Variants in PALS1 observed in about 807,000 individuals in gnomAD.
The protein encoded by PALS1 is protein associated with LIN7 1, MAGUK p55 family member.
PALS1 carries 31 observed loss-of-function variants against 78.9 expected under a neutral mutation model. That is an observed-to-expected ratio of 0.39 (90% CI 0.30 to 0.53). The LOEUF is 0.53. Ranked by LOEUF, PALS1 falls within the 20% of genes least tolerant of loss-of-function variation. PALS1 has a pLI of 0.67. For synonymous variants in PALS1, 276 were observed against 270.9 expected (o/e 1.02, Z -0.18); for missense variants, 704 against 826.5 (o/e 0.85, Z 1.82).
At chr14:67,330,099 CAGAA>C (rs770216386) in intron 14 of PALS1, among the ~76,000 whole-genome samples, 165 of 149,454 alleles carry the variant, frequency 1.1e-3, no homozygotes, top group Non-Finnish European at 1.8e-3. Flanking sequence ...TGCTGTCTGT[CAGAA>C]AGAGGAATAA....
In PALS1 at chr14:67,247,328, G is replaced by A. The variant is rs956320161; in HGVS notation, c.-237+5795G>A. Among the ~76,000 whole-genome samples the A allele has an allele frequency of 2.0e-5, 3 of 152,222 alleles. No homozygotes were observed. The South Asian group carries it at 6.2e-4, about 32-fold the overall frequency. Reference sequence around the variant, plus strand: ...AATCAGATTCCAGTTGATCACTGATGGTATATAGAAATTAATTTTTGTATA... The same window carrying A: ...AATCAGATTCCAGTTGATCACTGATAGTATATAGAAATTAATTTTTGTATA... On this transcript the variant is annotated intron_variant, in intron 1 of 14. Coordinates refer to ENST00000261681, the MANE Select transcript of PALS1 (RefSeq NM_022474.4).
intron 2 of PALS1, among the ~76,000 whole-genome samples, chr14:67,278,484 T>G (rs1227014126): frequency 6.6e-6 from 1 of 152,180 alleles, no homozygotes; most frequent in Non-Finnish European, 1.5e-5. Context: ...TCAAAAACTC[T>G]TAAAGATGAA....
chr14:67,270,106 C>T (rs1356707809), intron 2 of PALS1: 2 of 152,178 alleles, frequency 1.3e-5, no homozygotes, highest in East Asian at 1.9e-4. Flanking sequence ...TGATTCTCAG[C>T]TCTTAAACAA....
intron 3 of PALS1, among the ~76,000 whole-genome samples, chr14:67,287,812 A>G (rs1417951385): frequency 4.6e-5 from 7 of 152,246 alleles, no homozygotes; most frequent in Non-Finnish European, 8.8e-5. Flanking sequence ...GCAAAATAAT[A>G]CCAGTAGTTA....
chr14:67,316,239 C>T (rs1415162962), intron 9 of PALS1, among the ~76,000 whole-genome samples: 1 of 152,094 alleles, frequency 6.6e-6, no homozygotes, highest in African/African-American at 2.4e-5. Context: ...ACCTTGAAAG[C>T]CTCCTATATT....
At chr14:67,311,873 T>C (rs918626099) in intron 8 of PALS1, 1 of 152,466 alleles carries the variant, frequency 6.6e-6, no homozygotes, top group African/African-American at 2.4e-5. Context: ...TCGTTGATAG[T>C]GTGCTTGTTT....
intron 1 of PALS1, among the ~76,000 whole-genome samples, chr14:67,257,598 TAAAA>T (rs937316883): frequency 1.4e-5 from 2 of 145,592 alleles, no homozygotes; most frequent in Admixed American, 6.9e-5. Context: ...AACAGATAAC[TAAAA>T]AAAAAAGAAA....
chr14:67,302,594 A>G, intron 7 of PALS1, 23 bp downstream of exon 7: 1 of 1,434,200 alleles, frequency 7.0e-7, no homozygotes, highest in Non-Finnish European at 9.2e-7. Context: ...AGCTAGAAGA[A>G]TAATTGATAG....
At chr14:67,241,942 A>G (rs989411923) in intron 1 of PALS1, 3 of 152,164 alleles carry the variant, frequency 2.0e-5, no homozygotes, top group Admixed American at 6.5e-5. Flanking sequence ...TTTCCTTTAG[A>G]AGTCAGAATG....
chr14:67,332,928 A>C lies in PALS1; in HGVS notation c.2000A>C (p.Gln667Pro). 6.2e-7 allele frequency: 1 copy of C among 1,612,620 alleles called. No individual in the cohort carries two copies. ...RLINKLDTEP[Q>P]WVPSTWLR ...ATTAACAAACTTGATACTGAACCTC[A>C]GTGGGTACCATCCACTTGGCTGAGG... The change falls in exon 15 of 15, where the codon CAG (glutamine) becomes CCG (proline). Residue 667 changes from glutamine (Q) to proline (P), a missense_variant. Transcript: ENST00000261681.
chr14:67,316,984 C>G (rs1301470519), intron 10 of PALS1, 81 bp downstream of exon 10: 1 of 1,063,166 alleles, frequency 9.4e-7, no homozygotes, highest in Non-Finnish European at 1.4e-6. Context: ...ATATTAGAAC[C>G]GTGAAGAAGT....
At chr14:67,325,193 C>T (rs1337567794) in intron 14 of PALS1, among the ~76,000 whole-genome samples, 3 of 152,200 alleles carry the variant, frequency 2.0e-5, no homozygotes, top group African/African-American at 7.2e-5. Flanking sequence ...GCGTGAGCCA[C>T]CAGGCCCAGC....
chr14:67,317,415 G>T lies in PALS1; in HGVS notation c.1305G>T (p.Leu435=), dbSNP rs1209398523. 5 of 1,611,138 alleles carry T rather than the reference G, an allele frequency of 3.1e-6. No homozygotes were observed. Among genetic ancestry groups the T allele is most frequent in the Non-Finnish European group, 4.2e-6 (5 of 1,178,546 alleles). Reference sequence around the variant, plus strand: ...TTTATGATTGCTCAACAGGAAAACTGTGGTGTGCAAAGAAGAATAAAAAGA... The same window carrying T: ...TTTATGATTGCTCAACAGGAAAACTTTGGTGTGCAAAGAAGAATAAAAAGA... ...EDKEPEKSGK[L]WCAKKNKKKR... Residue 435 remains leucine, a synonymous_variant, in exon 11 of 15, where the codon CTG becomes CTT. Coordinates refer to ENST00000261681, the MANE Select transcript of PALS1 (RefSeq NM_022474.4).
rs767899924 is a variant in PALS1 at position 67,303,564 on chromosome 14, C to G, written c.1006C>G (p.Gln336Glu). Residue 336 changes from glutamine to glutamate, a missense_variant, in exon 8 of 15, where the codon CAA becomes GAA. By Grantham distance (29) the Gln-to-Glu change is conservative. Transcript: ENST00000261681. ...TTTGACTTTTGTCCTGATTCCCAGTCAACAGATCAAGCCGCCTCCTGCCAA... is the reference window on the plus strand; with the variant it reads ...TTTGACTTTTGTCCTGATTCCCAGTGAACAGATCAAGCCGCCTCCTGCCAA... ...GTLTFVLIPS[Q>E]QIKPPPAKET... 1 of 1,613,774 alleles carries G rather than the reference C, an allele frequency of 6.2e-7. No homozygotes were observed. The highest frequency in any genetic ancestry group is 1.1e-5 in the South Asian group (1 of 91,066).
rs1491090879 is a variant in PALS1 at position 67,289,768 on chromosome 14, C to CTTTTTTTTTTTTTT, written c.368-2743_368-2742insTTTTTTTTTTTTTT. Reference sequence around the variant, plus strand: ...ACATTGGGAAGATTTTTTTCCATGTCCTTTTTTTTTTTTTTTTTTTTTGAG... The same window carrying CTTTTTTTTTTTTTT: ...ACATTGGGAAGATTTTTTTCCATGTCTTTTTTTTTTTTTTCTTTTTTTTTTTTTTTTTTTTTGAG... On this transcript the variant is annotated intron_variant, in intron 3 of 14. Coordinates refer to ENST00000261681, the MANE Select transcript of PALS1 (RefSeq NM_022474.4). Among the ~76,000 whole-genome samples, 2 of 95,508 alleles carry CTTTTTTTTTTTTTT rather than the reference C, an allele frequency of 2.1e-5. 1 individual carries two copies. The highest frequency in any genetic ancestry group is 4.3e-5 in the Non-Finnish European group (2 of 46,860). 62.7% of individuals were successfully genotyped at this position (95,508 alleles called of 152,430 possible). A position where few individuals can be genotyped will look rare whatever the true frequency, so the allele number is the denominator to read the frequency against.
At chr14:67,267,227 T>C (rs891511006) in intron 1 of PALS1, among the ~76,000 whole-genome samples, 1 of 152,164 alleles carries the variant, frequency 6.6e-6, no homozygotes, top group African/African-American at 2.4e-5. Flanking sequence ...ATCAGCTGAA[T>C]AGGTATAACT....
At chr14:67,320,038 A>C (rs1180672601) in intron 11 of PALS1, among the ~76,000 whole-genome samples, 192 bp from the exon 12 acceptor site, 1 of 152,220 alleles carries the variant, frequency 6.6e-6, no homozygotes, top group Non-Finnish European at 1.5e-5. Flanking sequence ...TTTATTTCAA[A>C]TATGAAATGA....
Position 67,292,512 on chromosome 14 carries a change from A to G in PALS1, c.369A>G (p.Glu123=), listed in dbSNP as rs1250863540. ...ESPHYAVKIL[E]IEDLFSSLKH... is the part of the protein sequence containing the mutation. ...GGATACCTTTTCTTCTTCTACTAGA[A>G]ATAGAAGACTTGTTTTCTTCACTTA... The change falls in exon 4 of 15, where the codon GAA becomes GAG. Residue 123 remains glutamate (E), a splice_region_variant and synonymous_variant. Coordinates refer to ENST00000261681, the MANE Select transcript of PALS1 (RefSeq NM_022474.4). 1.0e-5 allele frequency: 16 copies of G among 1,600,438 alleles called. No homozygotes were observed. The Admixed American group carries it at 2.7e-4, about 27-fold the overall frequency.
At chr14:67,315,268 A>ATTTT (rs531037352) in intron 9 of PALS1, among the ~76,000 whole-genome samples, 15 of 101,590 alleles carry the variant, frequency 1.5e-4, no homozygotes, top group Non-Finnish European at 2.6e-4. Flanking sequence ...CTTATTTTTA[A>ATTTT]TTTTTTTTTT....
Sources: allele counts gnomAD v4.1 joint callset (sites outside exome capture counted in the v4.1 genomes callset), GRCh38; gene constraint gnomAD v4.1.1; transcripts MANE v1.5; gene names NCBI Gene and HGNC (gene_info 2026-07-23, HGNC 2026-07-21).